RNPS1: variants seen among roughly 807,000 people sequenced by gnomAD.
RNPS1 encodes RNA binding protein with serine rich domain 1, also known as RNA-binding protein with serine-rich domain 1.
For missense variants in RNPS1, 300 were observed against 427.6 expected (o/e 0.70, Z 2.63); for synonymous variants, 147 against 150.0 (o/e 0.98, Z 0.15).
chr16:2,256,118 T>C, intron 6 of RNPS1: 1 of 183,208 alleles, frequency 5.5e-6, no homozygotes, highest in South Asian at 9.4e-5. Context: ...AGAGCGAAAC[T>C]CCGTCTCAAA....
intron 6 of RNPS1, chr16:2,258,356 A>G (rs1293166824): frequency 6.6e-6 from 1 of 152,254 alleles, no homozygotes; most frequent in African/African-American, 2.4e-5. Context: ...CCCCAAGAAT[A>G]GTGTTCCTTT....
rs531237779 is a variant in RNPS1 at position 2,267,903 on chromosome 16, G to A, written c.-118+152C>T. 11 of 1,535,904 alleles carry A rather than the reference G, an allele frequency of 7.2e-6. No homozygotes were observed. In the African/African-American group the frequency reaches 9.6e-5, roughly 13 times the overall value. On this transcript the variant is annotated intron_variant, in intron 1 of 7. Coordinates refer to ENST00000320225, the MANE Select transcript of RNPS1 (RefSeq NM_080594.4). ...GACACCTCCCACTCCGCCCGCCCCG[G>A]GCCACACTCTTTCTTCTCGGAGCCC...
At chr16:2,264,140 C>A in intron 3 of RNPS1, 36 bp downstream of exon 3, 5 of 1,610,568 alleles carry the variant, frequency 3.1e-6, no homozygotes, top group Non-Finnish European at 4.2e-6. Context: ...AGCTGTGGCA[C>A]AGGTCCTCTC....
chr16:2,264,804 AG>A (rs1171422474), intron 1 of RNPS1, 44 bp from the exon 2 acceptor site: 1 of 1,427,904 alleles, frequency 7.0e-7, no homozygotes. Flanking sequence ...CGAATTGGCA[AG>A]GCAACAAGTC....
At chr16:2,254,489 G>A (rs1596795873) in intron 7 of RNPS1, among the ~76,000 whole-genome samples, 1 of 152,070 alleles carries the variant, frequency 6.6e-6, no homozygotes, top group South Asian at 2.1e-4. Context: ...AGTAGTGACG[G>A]GGTTTCACCG....
At chr16:2,257,654 G>C (rs893347795) in intron 6 of RNPS1, 1 of 152,162 alleles carries the variant, frequency 6.6e-6, no homozygotes, top group Non-Finnish European at 1.5e-5. Context: ...TCAAACAGCA[G>C]ATAATCAGCA....
intron 5 of RNPS1, 131 bp downstream of exon 5, chr16:2,262,609 C>T (rs1020359090): frequency 1.5e-5 from 14 of 960,736 alleles, no homozygotes; most frequent in South Asian, 9.1e-5. Flanking sequence ...CCAAGAGGAA[C>T]GAATCAATGC....
rs540123119 is a variant in RNPS1, at chr16:2,253,419, C to G, written c.*545G>C. 138 of 180,540 alleles carry G rather than the reference C, an allele frequency of 7.6e-4. No individual in the cohort carries two copies. In the Middle Eastern group the frequency reaches 1.0e-2, roughly 13 times the overall value. The allele number at this position is 180,540 out of a possible 1,614,324, so 11.2% of individuals were successfully genotyped here. On this transcript the variant is annotated 3_prime_UTR_variant, in exon 8 of 8. Transcript: ENST00000320225. ...CAGTGGTGGGGTGCGGTGTGTGCAT[C>G]GGTGCACGGACAGACAGAACCACGA... is the stretch of plus-strand genomic sequence containing the variant.
chr16:2,257,357 GGTT>G (rs1480718257), intron 6 of RNPS1: 2 of 152,106 alleles, frequency 1.3e-5, no homozygotes, highest in Non-Finnish European at 2.9e-5. Flanking sequence ...ATACTTAAGA[GGTT>G]TAACTTCAGT....
chr16:2,260,473 G>T (rs746838432), intron 6 of RNPS1, among the ~76,000 whole-genome samples: 1 of 152,118 alleles, frequency 6.6e-6, no homozygotes, highest in East Asian at 1.9e-4. Flanking sequence ...ATAAAAATCC[G>T]TTTTCTTTTG....
chr16:2,263,347 C>T (rs1478568097), intron 3 of RNPS1, 60 bp from the exon 4 acceptor site: 2 of 1,541,244 alleles, frequency 1.3e-6, no homozygotes, highest in Non-Finnish European at 1.8e-6. Context: ...ACAGACGCCT[C>T]CTCCAATTCT....
chr16:2,259,299 C>T (rs554302772), intron 6 of RNPS1, among the ~76,000 whole-genome samples: 16 of 152,230 alleles, frequency 1.1e-4, no homozygotes, highest in African/African-American at 2.6e-4. Flanking sequence ...CCCAAAATCA[C>T]GTAAAACTCC....
chr16:2,255,260 T>C (rs1384869157), intron 7 of RNPS1, among the ~76,000 whole-genome samples: 3 of 152,096 alleles, frequency 2.0e-5, no homozygotes, highest in Non-Finnish European at 4.4e-5. Flanking sequence ...ACCCCCAACT[T>C]CTCCCTCTCC....
chr16:2,262,678 C>G, intron 5 of RNPS1, 62 bp downstream of exon 5: 2 of 1,419,050 alleles, frequency 1.4e-6, no homozygotes, highest in Non-Finnish European at 9.9e-7. Flanking sequence ...CTAAGTTCAT[C>G]TGCAGGCACA....
At chr16:2,261,019 A>C (rs940094263) in intron 6 of RNPS1, among the ~76,000 whole-genome samples, 1 of 151,792 alleles carries the variant, frequency 6.6e-6, no homozygotes, top group Admixed American at 6.6e-5. Flanking sequence ...AGTCCCAGCT[A>C]CTCGGGAGGC....
At chr16:2,254,199 G>C (rs1417060755) in intron 7 of RNPS1, 136 bp from the exon 8 acceptor site, 1 of 614,586 alleles carries the variant, frequency 1.6e-6, no homozygotes, top group Non-Finnish European at 2.6e-6. Context: ...GCAGTGGCAC[G>C]ATCTCAGCTC....
At chr16:2,258,885 G>T (rs2093590152) in intron 6 of RNPS1, 1 of 152,098 alleles carries the variant, frequency 6.6e-6, no homozygotes, top group Non-Finnish European at 1.5e-5. Context: ...TGCTTTGGGA[G>T]GCCAAGGCGG....
rs910087962 is a variant in RNPS1 at position 2,266,054 on chromosome 16, G to A, written c.-117-1294C>T. Reference sequence around the variant, plus strand: ...TTTCTAGTAAGGCTCTGCACAAGCTGCAGGAGTTGTTAAGTGAAGATCTCA... The same window carrying A: ...TTTCTAGTAAGGCTCTGCACAAGCTACAGGAGTTGTTAAGTGAAGATCTCA... On this transcript the variant is annotated intron_variant, in intron 1 of 7. Coordinates refer to ENST00000320225, the MANE Select transcript of RNPS1 (RefSeq NM_080594.4). The A allele has an allele frequency of 1.7e-5, 16 of 929,728 alleles. No homozygotes were observed. The East Asian group carries it at 1.1e-3, about 61-fold the overall frequency. 57.6% of individuals were successfully genotyped at this position (929,728 alleles called of 1,614,324 possible).
rs367945580 is a variant in RNPS1 at position 2,264,171 on chromosome 16, C to A, written c.227+5G>T. The A allele has an allele frequency of 7.9e-5, 127 of 1,612,566 alleles. No homozygotes were observed. The highest frequency in any genetic ancestry group is 1.1e-4 in the Non-Finnish European group (124 of 1,180,012). ...CTCTCCAGGCTCCAGGCCAGCCCGC[C>A]CCACCTGGTACTGCTGCTACCACTG... On this transcript the variant is annotated splice_donor_5th_base_variant and intron_variant, in intron 3 of 7. Coordinates refer to ENST00000320225, the MANE Select transcript of RNPS1 (RefSeq NM_080594.4).
Sources: allele counts gnomAD v4.1 joint callset (sites outside exome capture counted in the v4.1 genomes callset), GRCh38; gene constraint gnomAD v4.1.1; transcripts MANE v1.5; gene names NCBI Gene and HGNC (gene_info 2026-07-23, HGNC 2026-07-21).